The following SLC8A1 variants were observed in gnomAD, a reference collection of about 807,000 sequenced individuals.
The protein encoded by SLC8A1 is solute carrier family 8 member A1, also known as sodium/calcium exchanger 1.
A neutral mutation model predicts 68.3 loss-of-function variants in SLC8A1; 18 were observed. The observed-to-expected ratio is 0.26, with a 90% confidence interval of 0.18 to 0.39. The LOEUF (loss-of-function observed/expected upper bound fraction) is 0.39, where lower values mean the gene tolerates loss of function less well. SLC8A1 is among the 10% of genes least tolerant of loss of function. The pLI is 1.00. For missense variants in SLC8A1, 985 were observed against 1,156.7 expected (o/e 0.85, Z 2.15); for synonymous variants, 475 against 415.5 (o/e 1.14, Z -1.74).
At chr2:40,280,120 T>C (rs560345000) in intron 2 of SLC8A1, among the ~76,000 whole-genome samples, 1 of 152,190 alleles carries the variant, frequency 6.6e-6, no homozygotes, top group East Asian at 1.9e-4. Context: ...TTTCTGCTTT[T>C]AAAGATTATC....
At chr2:40,238,335 A>C (rs1422223111) in intron 2 of SLC8A1, among the ~76,000 whole-genome samples, 4 of 152,202 alleles carry the variant, frequency 2.6e-5, no homozygotes, top group Non-Finnish European at 5.9e-5. Flanking sequence ...CCGTTGGAAA[A>C]GCGCAGTATT....
intron 2 of SLC8A1, among the ~76,000 whole-genome samples, chr2:40,409,100 A>G (rs6755144): frequency 0.28 from 43,052 of 151,986 alleles, 6,446 homozygotes; most frequent in African/African-American, 0.35. Flanking sequence ...CTTTTTCTGT[A>G]GTCATTTACA....
rs529261503 is a variant in SLC8A1 at position 40,165,834 on chromosome 2, A to G, written c.1931-850T>C. Among the ~76,000 whole-genome samples the G allele has an allele frequency of 1.4e-3, 208 of 152,290 alleles. 2 individuals are homozygous for G. The South Asian group carries it at 0.014, about 10-fold the overall frequency. On this transcript the variant is annotated intron_variant, in intron 4 of 7. Transcript: ENST00000406785. ...AGTTGGCTCTCTCTTTGTGAAGGTC[A>G]TTAGGATAAATCCCAGACTGAAAAG... is the stretch of plus-strand genomic sequence containing the variant.
intron 4 of SLC8A1, among the ~76,000 whole-genome samples, chr2:40,172,215 TAG>T (rs1258059729): frequency 2.0e-5 from 3 of 152,168 alleles, no homozygotes; most frequent in African/African-American, 2.4e-5. Flanking sequence ...GGAGCATCAG[TAG>T]AGAGTGGCTC....
chr2:40,493,261 C>T (rs992177973), intron 1 of SLC8A1, among the ~76,000 whole-genome samples: 14 of 149,214 alleles, frequency 9.4e-5, no homozygotes, highest in South Asian at 8.5e-4. Flanking sequence ...AACCAAACAC[C>T]GCATATTCTC....
At chr2:40,357,108 C>G (rs908558650) in intron 2 of SLC8A1, among the ~76,000 whole-genome samples, 3 of 152,114 alleles carry the variant, frequency 2.0e-5, no homozygotes, top group Non-Finnish European at 4.4e-5. Flanking sequence ...AAAGAGAGTT[C>G]CAGCTTCATC....
intron 2 of SLC8A1, among the ~76,000 whole-genome samples, chr2:40,183,367 T>A (rs1014409361): frequency 6.6e-6 from 1 of 152,234 alleles, no homozygotes; most frequent in Non-Finnish European, 1.5e-5. Flanking sequence ...GTATGAACAA[T>A]GATAGAATTT....
intron 3 of SLC8A1, among the ~76,000 whole-genome samples, chr2:40,177,406 A>C (rs551616123): frequency 5.8e-4 from 88 of 152,330 alleles, no homozygotes; most frequent in African/African-American, 2.0e-3. Flanking sequence ...TTTATCACTA[A>C]AATTTTAGGG....
At chr2:40,344,877 C>A (rs1668772148) in intron 2 of SLC8A1, among the ~76,000 whole-genome samples, 1 of 152,140 alleles carries the variant, frequency 6.6e-6, no homozygotes, top group African/African-American at 2.4e-5. Context: ...CATGAGATCT[C>A]AGGGTACATA....
chr2:40,235,446 TC>T (rs1241372011), intron 2 of SLC8A1, among the ~76,000 whole-genome samples: 1 of 152,128 alleles, frequency 6.6e-6, no homozygotes, highest in Non-Finnish European at 1.5e-5. Context: ...GGTGGTGATA[TC>T]CCCTTTATCA....
chr2:40,227,931 C>T (rs1256251910), intron 2 of SLC8A1, among the ~76,000 whole-genome samples: 1 of 152,038 alleles, frequency 6.6e-6, no homozygotes, highest in Non-Finnish European at 1.5e-5. Context: ...GGCTTCAAGT[C>T]TAGAAATGGT....
intron 2 of SLC8A1, among the ~76,000 whole-genome samples, chr2:40,376,704 G>T (rs1382549242): frequency 6.6e-6 from 1 of 152,118 alleles, no homozygotes; most frequent in Non-Finnish European, 1.5e-5. Context: ...TGAAATGGGA[G>T]ACAAGGACCG....
At chr2:40,464,626 T>A (rs1482639555) in intron 1 of SLC8A1, among the ~76,000 whole-genome samples, 1 of 152,126 alleles carries the variant, frequency 6.6e-6, no homozygotes, top group Non-Finnish European at 1.5e-5. Context: ...AGAGGAGGAA[T>A]GGAGTGGTGT....
At chr2:40,427,242 T>G (rs1464189869) in intron 2 of SLC8A1, among the ~76,000 whole-genome samples, 1 of 152,068 alleles carries the variant, frequency 6.6e-6, no homozygotes, top group African/African-American at 2.4e-5. Flanking sequence ...CAGGAAAATC[T>G]GTTCTCTCTG....
At chr2:40,408,243 C>A (rs969468792) in intron 2 of SLC8A1, among the ~76,000 whole-genome samples, 2 of 152,188 alleles carry the variant, frequency 1.3e-5, no homozygotes. Flanking sequence ...ACCAGATACG[C>A]CTGATCTAAA....
chr2:40,182,174 G>A (rs904545314), intron 2 of SLC8A1, among the ~76,000 whole-genome samples: 9 of 152,152 alleles, frequency 5.9e-5, no homozygotes, highest in Non-Finnish European at 1.2e-4. Flanking sequence ...TCTTTAAATA[G>A]ACAGGTTAAC....
At chr2:40,509,182 A>C (rs1385157862) in intron 1 of SLC8A1, among the ~76,000 whole-genome samples, 1 of 152,168 alleles carries the variant, frequency 6.6e-6, no homozygotes, top group Non-Finnish European at 1.5e-5. Flanking sequence ...AAGATAAAAA[A>C]TTGAAAGCGG....
intron 2 of SLC8A1, among the ~76,000 whole-genome samples, chr2:40,268,020 G>A (rs968087236): frequency 1.3e-5 from 2 of 152,146 alleles, no homozygotes; most frequent in Middle Eastern, 3.2e-3. Flanking sequence ...GTTGAATTAC[G>A]ATGGGCATTT....
chr2:40,277,108 A>G (rs770950402), intron 2 of SLC8A1, among the ~76,000 whole-genome samples: 1 of 152,250 alleles, frequency 6.6e-6, no homozygotes, highest in Non-Finnish European at 1.5e-5. Context: ...AGAGAAAGTT[A>G]CTATAATAAA....
Sources: allele counts gnomAD v4.1 joint callset (sites outside exome capture counted in the v4.1 genomes callset), GRCh38; gene constraint gnomAD v4.1.1; transcripts MANE v1.5; gene names NCBI Gene and HGNC (gene_info 2026-07-23, HGNC 2026-07-21).